Variants in ROBO1 observed in about 807,000 individuals in gnomAD.
The protein encoded by ROBO1 is roundabout homolog 1.
ROBO1 carries 149 observed loss-of-function variants against 195.9 expected under a neutral mutation model. The ratio of observed to expected loss-of-function variants is 0.76; its 90% CI spans 0.67 to 0.87. ROBO1 has a LOEUF of 0.87. ROBO1 is among the 40% of genes least tolerant of loss of function. The probability of loss-of-function intolerance (pLI) is 0.00; values close to 1 mark genes in which losing one functional copy is unlikely to be tolerated. For missense variants in ROBO1, 1,933 were observed against 2,068.3 expected (o/e 0.93, Z 1.27); for synonymous variants, 816 against 733.2 (o/e 1.11, Z -1.82).
rs78978148 is a variant in ROBO1, at chr3:78,903,083, C to T, written c.499+35518G>A. 8.4e-3 allele frequency among the ~76,000 whole-genome samples: 1,280 copies of T among 152,128 alleles called. 24 individuals carry two copies. Among genetic ancestry groups the T allele is most frequent in the African/African-American group, 0.027 (1,106 of 41,516 alleles). ...AAGAGGCAACCACAATTTAATAGGG[C>T]AAACAGAAACACAATTCTCTTCAAA... On this transcript the variant is annotated intron_variant, in intron 4 of 30. Coordinates refer to ENST00000464233, the MANE Select transcript of ROBO1 (RefSeq NM_002941.4).
At chr3:79,696,209 A>T (rs1445516081) in intron 1 of ROBO1, among the ~76,000 whole-genome samples, 1 of 151,396 alleles carries the variant, frequency 6.6e-6, no homozygotes, top group Non-Finnish European at 1.5e-5. Context: ...CTCTGGAGGA[A>T]ATCCCTTCAG....
At chr3:78,967,875 T>C (rs985911470) in intron 3 of ROBO1, among the ~76,000 whole-genome samples, 2 of 152,178 alleles carry the variant, frequency 1.3e-5, no homozygotes, top group Non-Finnish European at 2.9e-5. Context: ...AAGAGAAATA[T>C]TTTCAAACTG....
At chr3:79,723,908 C>G (rs4856290) in intron 1 of ROBO1, among the ~76,000 whole-genome samples, 1 of 151,964 alleles carries the variant, frequency 6.6e-6, no homozygotes, top group East Asian at 1.9e-4. Flanking sequence ...CCAACACTGA[C>G]AGAAGTACAG....
chr3:79,481,988 C>T (rs1938888221), intron 2 of ROBO1, among the ~76,000 whole-genome samples: 1 of 151,938 alleles, frequency 6.6e-6, no homozygotes, highest in Non-Finnish European at 1.5e-5. Flanking sequence ...CCTACTATTG[C>T]CTTAAAAGTT....
At chr3:78,690,747 CT>C (rs1292768755) in intron 8 of ROBO1, among the ~76,000 whole-genome samples, 2 of 152,204 alleles carry the variant, frequency 1.3e-5, no homozygotes, top group South Asian at 4.1e-4. Flanking sequence ...GAGAATATGA[CT>C]TTCCAATATG....
chr3:78,670,253 T>C lies in ROBO1; in HGVS notation c.1391A>G (p.Gln464Arg). 2 of 1,590,482 alleles carry C rather than the reference T, an allele frequency of 1.3e-6. No individual in the cohort carries two copies. The highest frequency in any genetic ancestry group is 1.7e-6 in the Non-Finnish European group (2 of 1,167,428). ...GAAAGTGCCATCCACGGCTACAGTC[T>C]GATTCACAGGACCTTGTCGAATAAC... ...PPVIRQGPVN[Q>R]TVAVDGTFVL... is the part of the protein sequence containing the mutation. Residue 464 changes from glutamine to arginine, a missense_variant, in exon 11 of 31, where the codon CAG becomes CGG. By Grantham distance (43) the Gln-to-Arg change is conservative. Transcript: ENST00000464233.
intron 4 of ROBO1, among the ~76,000 whole-genome samples, chr3:78,915,499 C>A (rs975151429): frequency 6.6e-6 from 1 of 152,062 alleles, no homozygotes; most frequent in African/African-American, 2.4e-5. Context: ...ATATTTCCAG[C>A]ATTTCCACAC....
At chr3:78,981,240 T>C (rs2076984030) in intron 3 of ROBO1, among the ~76,000 whole-genome samples, 3 of 152,272 alleles carry the variant, frequency 2.0e-5, no homozygotes, top group African/African-American at 7.2e-5. Flanking sequence ...TAAATAATAG[T>C]AATGGTTCAC....
At chr3:78,754,785 G>A (rs510006) in intron 4 of ROBO1, among the ~76,000 whole-genome samples, 53,582 of 152,072 alleles carry the variant, frequency 0.35, 11,627 homozygotes, top group Middle Eastern at 0.5. Flanking sequence ...AGGAGGCTGT[G>A]TGAGAGAATA....
chr3:79,755,770 A>T (rs1704362516), intron 1 of ROBO1, among the ~76,000 whole-genome samples: 1 of 152,192 alleles, frequency 6.6e-6, no homozygotes, highest in South Asian at 2.1e-4. Flanking sequence ...CCTGCCCCCC[A>T]AGGAGTCAGA....
At chr3:79,349,522 C>G (rs1275199789) in intron 2 of ROBO1, among the ~76,000 whole-genome samples, 1 of 152,110 alleles carries the variant, frequency 6.6e-6, no homozygotes, top group Non-Finnish European at 1.5e-5. Flanking sequence ...TTAAAACACT[C>G]TTGCAAAGAA....
chr3:79,626,968 G>A (rs1017725326), intron 1 of ROBO1, among the ~76,000 whole-genome samples: 14 of 152,012 alleles, frequency 9.2e-5, no homozygotes, highest in African/African-American at 3.4e-4. Flanking sequence ...CCTCTTCAAG[G>A]ATAACTACAA....
chr3:79,558,695 G>A (rs1435488262), intron 2 of ROBO1, among the ~76,000 whole-genome samples: 1 of 152,030 alleles, frequency 6.6e-6, no homozygotes, highest in African/African-American at 2.4e-5. Flanking sequence ...ATTCTATTCT[G>A]TTATGAATGT....
chr3:79,010,845 A>G (rs2077759240), intron 3 of ROBO1, among the ~76,000 whole-genome samples: 1 of 152,148 alleles, frequency 6.6e-6, no homozygotes, highest in Admixed American at 6.5e-5. Flanking sequence ...TCCTATTTGC[A>G]TAGATATCTG....
At chr3:79,173,569 G>A (rs2081206446) in intron 2 of ROBO1, among the ~76,000 whole-genome samples, 1 of 152,096 alleles carries the variant, frequency 6.6e-6, no homozygotes, top group African/African-American at 2.4e-5. Flanking sequence ...CACAGGGCAG[G>A]GCTGGGGACC....
intron 2 of ROBO1, among the ~76,000 whole-genome samples, chr3:79,251,554 C>G (rs1397524038): frequency 6.6e-6 from 1 of 152,084 alleles, no homozygotes; most frequent in Non-Finnish European, 1.5e-5. Flanking sequence ...AGATTCAGAC[C>G]ATCCTGGCTA....
In ROBO1 at chr3:79,114,875, C is replaced by T. The variant is rs541869076; in HGVS notation, c.172+10581G>A. Among the ~76,000 whole-genome samples the T allele has an allele frequency of 1.1e-4, 17 of 152,282 alleles. No homozygotes were observed. The East Asian group carries it at 3.3e-3, about 29-fold the overall frequency. On this transcript the variant is annotated intron_variant, in intron 3 of 30. Coordinates refer to ENST00000464233, the MANE Select transcript of ROBO1 (RefSeq NM_002941.4). ...GAGTGTGATGCAGAACAAGAGAAGG[C>T]TGTCCTACTATTTGGGGAATATGCC...
chr3:79,176,614 C>G (rs766761202), intron 2 of ROBO1, among the ~76,000 whole-genome samples: 1 of 152,080 alleles, frequency 6.6e-6, no homozygotes, highest in Non-Finnish European at 1.5e-5. Context: ...AGTGCCATTA[C>G]ATCTGGCTAA....
chr3:78,898,674 C>T (rs1285431695), intron 4 of ROBO1, among the ~76,000 whole-genome samples: 1 of 151,798 alleles, frequency 6.6e-6, no homozygotes, highest in Non-Finnish European at 1.5e-5. Flanking sequence ...CAGGAGTGAG[C>T]CACCGCACCT....
Sources: gnomAD v4.1 joint callset for allele counts (sites outside exome capture counted in the v4.1 genomes callset) on GRCh38, gnomAD v4.1.1 for gene constraint, MANE v1.5 for transcripts, NCBI Gene and HGNC (gene_info 2026-07-23, HGNC 2026-07-21) for gene names.